The following FRMD3 variants were observed in gnomAD, a reference collection of about 807,000 sequenced individuals.
The protein encoded by FRMD3 is FERM domain-containing protein 3.
FRMD3 carries 33 observed loss-of-function variants against 70.2 expected under a neutral mutation model. That is an observed-to-expected ratio of 0.47 (90% confidence interval 0.36 to 0.63). FRMD3 has a LOEUF of 0.63. FRMD3 is among the 20% of genes least tolerant of loss of function. The pLI is 0.00. For missense variants in FRMD3, 632 were observed against 711.4 expected (o/e 0.89, Z 1.27); for synonymous variants, 279 against 255.9 (o/e 1.09, Z -0.86).
chr9:83,483,750 C>T (rs1485512130), intron 1 of FRMD3, among the ~76,000 whole-genome samples: 1 of 152,128 alleles, frequency 6.6e-6, no homozygotes, highest in Non-Finnish European at 1.5e-5. Context: ...GTCCTAGCTA[C>T]CCAAGAGGCT....
the FRMD3 span, among the ~76,000 whole-genome samples, chr9:83,579,494 T>G: frequency 2.3e-4 from 35 of 152,152 alleles, no homozygotes; most frequent in African/African-American, 8.4e-4. Flanking sequence ...ATACAGTCAA[T>G]TGATTTTTGA....
intron 13 of FRMD3, among the ~76,000 whole-genome samples, chr9:83,260,060 T>TA (rs2118676894): frequency 1.3e-5 from 2 of 152,280 alleles, no homozygotes; most frequent in South Asian, 4.2e-4. Flanking sequence ...TTGGACTTTT[T>TA]ACCTGCAAAA....
chr9:83,520,879 C>T (rs2131544744), intron 1 of FRMD3, among the ~76,000 whole-genome samples: 1 of 147,594 alleles, frequency 6.8e-6, no homozygotes, highest in African/African-American at 2.5e-5. Context: ...AATCCCAAGA[C>T]TTTGGGAAGC....
chr9:83,553,202 A>T, the FRMD3 span, among the ~76,000 whole-genome samples: 60 of 152,300 alleles, frequency 3.9e-4, no homozygotes, highest in African/African-American at 1.4e-3. Context: ...TGCTTATCTG[A>T]AACGATCTTA....
At chr9:83,449,937 G>C (rs2131412130) in intron 1 of FRMD3, among the ~76,000 whole-genome samples, 1 of 152,316 alleles carries the variant, frequency 6.6e-6, no homozygotes, top group East Asian at 1.9e-4. Context: ...GAGTGCACTT[G>C]AAGCACTTAA....
intron 1 of FRMD3, among the ~76,000 whole-genome samples, chr9:83,517,597 T>C (rs544361708): frequency 3.3e-5 from 5 of 151,276 alleles, no homozygotes; most frequent in Non-Finnish European, 7.4e-5. Flanking sequence ...CCTAAAACTA[T>C]TACAAGCAAT....
intron 1 of FRMD3, among the ~76,000 whole-genome samples, chr9:83,530,316 G>A (rs541636380): frequency 1.1e-4 from 16 of 152,324 alleles, no homozygotes; most frequent in African/African-American, 3.8e-4. Flanking sequence ...AAAAAGGAAG[G>A]AGGTACTGAC....
At chr9:83,518,090 A>G (rs1462035324) in intron 1 of FRMD3, among the ~76,000 whole-genome samples, 1 of 152,234 alleles carries the variant, frequency 6.6e-6, no homozygotes, top group Admixed American at 6.5e-5. Flanking sequence ...CAAGACAAGG[A>G]TGCCCTCTTT....
chr9:83,378,518 CATAT>C (rs1564047224), intron 2 of FRMD3, among the ~76,000 whole-genome samples: 3 of 73,760 alleles, frequency 4.1e-5, no homozygotes, highest in Non-Finnish European at 5.7e-5. Flanking sequence ...ATATAATATA[CATAT>C]AAAATTTATA....
chr9:83,283,621 A>G (rs1834070216), intron 13 of FRMD3, among the ~76,000 whole-genome samples: 2 of 152,038 alleles, frequency 1.3e-5, no homozygotes, highest in South Asian at 4.2e-4. Flanking sequence ...CTAATCCAAT[A>G]CTGCAATTAT....
At chr9:83,252,226 TAAAGA>T (rs142220569) in intron 13 of FRMD3, among the ~76,000 whole-genome samples, 10,256 of 152,132 alleles carry the variant, frequency 0.067, 1,111 homozygotes, top group African/African-American at 0.23. Context: ...TCAACATTCT[TAAAGA>T]AAAGAACTTC....
In FRMD3 at chr9:83,251,316, AAAC is replaced by A. The variant is rs545696233; in HGVS notation, c.1196-2803_1196-2801del. Among the ~76,000 whole-genome samples, 36 of 152,340 alleles carry A rather than the reference AAAC, an allele frequency of 2.4e-4. 1 individual carries two copies. In the South Asian group the frequency reaches 6.0e-3, roughly 25 times the overall value. On this transcript the variant is annotated intron_variant, in intron 13 of 13. Transcript: ENST00000304195. ...GTTAAAAGAAAAACAAACAAACAGA[AAAC>A]AACAACATCAACAAAAAAGACCCCA... is the stretch of plus-strand genomic sequence containing the variant.
At chr9:83,514,037 C>T (rs1829398353) in intron 1 of FRMD3, among the ~76,000 whole-genome samples, 2 of 152,286 alleles carry the variant, frequency 1.3e-5, no homozygotes, top group East Asian at 1.9e-4. Flanking sequence ...GCTGGGCAGC[C>T]ATTTGGGCAG....
At chr9:83,574,889 A>C in the FRMD3 span, among the ~76,000 whole-genome samples, 1 of 152,180 alleles carries the variant, frequency 6.6e-6, no homozygotes, top group East Asian at 1.9e-4. Flanking sequence ...AATAACAGAG[A>C]GTCCAGCTGT....
At chr9:83,562,353 T>C in the FRMD3 span, among the ~76,000 whole-genome samples, 1 of 152,268 alleles carries the variant, frequency 6.6e-6, no homozygotes, top group Admixed American at 6.5e-5. Flanking sequence ...AAGATGGAGA[T>C]GCGAGAAGCT....
At chr9:83,243,818 C>T (rs375996375), downstream of FRMD3, among the ~76,000 whole-genome samples, 114 of 152,188 alleles carry the variant, frequency 7.5e-4, no homozygotes, top group African/African-American at 2.4e-3. Flanking sequence ...TTCCAAGTAA[C>T]ACCTTTTGGT....
At chr9:83,569,144 G>A in the FRMD3 span, among the ~76,000 whole-genome samples, 3 of 152,234 alleles carry the variant, frequency 2.0e-5, 1 homozygote, top group South Asian at 4.2e-4. Context: ...ATATGGGCAC[G>A]AAGGATATTA....
intron 12 of FRMD3, among the ~76,000 whole-genome samples, chr9:83,293,676 G>T (rs1286278580): frequency 2.6e-5 from 4 of 152,190 alleles, no homozygotes; most frequent in Non-Finnish European, 5.9e-5. Context: ...GCCTGCCTTG[G>T]CATTAGATGG....
chr9:83,382,687 G>A (rs887943597), intron 2 of FRMD3, among the ~76,000 whole-genome samples: 1 of 151,990 alleles, frequency 6.6e-6, no homozygotes, highest in African/African-American at 2.4e-5. Flanking sequence ...CTCTTATTGA[G>A]TCTATACCTA....
Sources: allele counts gnomAD v4.1 joint callset (sites outside exome capture counted in the v4.1 genomes callset), GRCh38; gene constraint gnomAD v4.1.1; transcripts MANE v1.5; gene names NCBI Gene and HGNC (gene_info 2026-07-23, HGNC 2026-07-21).